The following WDR70 variants were observed in gnomAD, a reference collection of about 807,000 sequenced individuals.
WDR70 encodes the protein WD repeat domain 70.
A neutral mutation model predicts 88.6 loss-of-function variants in WDR70; 53 were observed. That is an observed-to-expected ratio of 0.60 (90% CI 0.48 to 0.75). The LOEUF (loss-of-function observed/expected upper bound fraction) is 0.75, where lower values mean the gene tolerates loss of function less well. Among genes scored for constraint, WDR70 ranks in the 30% least tolerant of loss-of-function variants. The pLI is 0.00. For synonymous variants in WDR70, 280 were observed against 270.0 expected, an observed-to-expected ratio of 1.04 and a Z score of -0.36; for missense variants, 610 against 823.2, an observed-to-expected ratio of 0.74 and a Z score of 3.17.
At chr5:37,622,102 A>G (rs1744523019) in intron 10 of WDR70, among the ~76,000 whole-genome samples, 1 of 152,040 alleles carries the variant, frequency 6.6e-6, no homozygotes, top group Non-Finnish European at 1.5e-5. Context: ...CTGTTTTGGT[A>G]CCAGTACCAT....
chr5:37,678,423 C>T (rs1337345320), intron 10 of WDR70, among the ~76,000 whole-genome samples: 1 of 151,942 alleles, frequency 6.6e-6, no homozygotes, highest in African/African-American at 2.4e-5. Flanking sequence ...TTAGGGCAGG[C>T]CTGGTGGTGA....
chr5:37,487,621 A>ATTTTTTTTTTTTTTTTT (rs1561871968), intron 8 of WDR70, among the ~76,000 whole-genome samples: 2 of 37,692 alleles, frequency 5.3e-5, no homozygotes, highest in African/African-American at 1.5e-4. Context: ...ATATATATAT[A>ATTTTTTTTTTTTTTTTT]TATGTATTTT....
intron 7 of WDR70, among the ~76,000 whole-genome samples, chr5:37,461,812 G>A (rs1469772757): frequency 2.0e-5 from 3 of 152,072 alleles, no homozygotes; most frequent in African/African-American, 7.2e-5. Flanking sequence ...AAAGATAGTA[G>A]GTTTTTGACT....
intron 11 of WDR70, chr5:37,698,003 A>T (rs75754613): frequency 2.9e-6 from 1 of 348,002 alleles, no homozygotes. Flanking sequence ...TTCAAATTCC[A>T]TAAGAGTTTG....
chr5:37,726,157 T>C (rs1207618635), intron 16 of WDR70, among the ~76,000 whole-genome samples: 1 of 152,220 alleles, frequency 6.6e-6, no homozygotes, highest in Non-Finnish European at 1.5e-5. Flanking sequence ...TGAAGTGCTA[T>C]CTTCCTCTAA....
intron 10 of WDR70, among the ~76,000 whole-genome samples, chr5:37,694,174 C>T (rs1204387120): frequency 2.6e-5 from 4 of 152,064 alleles, no homozygotes; most frequent in Non-Finnish European, 1.5e-5. Flanking sequence ...GTTAGAATGG[C>T]GATCATTAAA....
chr5:37,554,085 G>C (rs888887195), intron 9 of WDR70, among the ~76,000 whole-genome samples: 10 of 148,352 alleles, frequency 6.7e-5, no homozygotes, highest in African/African-American at 2.5e-4. Context: ...TGCAAACTTT[G>C]CCATTGATTT....
At chr5:37,645,248 A>C (rs529268330) in intron 10 of WDR70, among the ~76,000 whole-genome samples, 101 of 151,666 alleles carry the variant, frequency 6.7e-4, no homozygotes, top group African/African-American at 2.4e-3. Context: ...CTGATCATTC[A>C]GTAGCATGTT....
intron 5 of WDR70, among the ~76,000 whole-genome samples, chr5:37,415,933 C>T (rs1233876542): frequency 2.6e-5 from 4 of 151,706 alleles, no homozygotes; most frequent in Non-Finnish European, 5.9e-5. Flanking sequence ...CAGAGACGCT[C>T]CTCACTTCCT....
chr5:37,506,115 CA>C, intron 8 of WDR70: 1 of 1,154,060 alleles, frequency 8.7e-7, no homozygotes, highest in South Asian at 1.2e-5. Flanking sequence ...TGCAAGATTG[CA>C]GCGGCTTAAA....
At chr5:37,405,593 A>G (rs967131232) in intron 5 of WDR70, among the ~76,000 whole-genome samples, 10 of 152,154 alleles carry the variant, frequency 6.6e-5, no homozygotes, top group African/African-American at 2.4e-4. Flanking sequence ...TATTGGTGCT[A>G]TAAACAGTTA....
At chr5:37,435,339 T>C (rs932433455) in intron 5 of WDR70, among the ~76,000 whole-genome samples, 2 of 152,190 alleles carry the variant, frequency 1.3e-5, no homozygotes, top group Non-Finnish European at 2.9e-5. Flanking sequence ...ATTATCTTGG[T>C]TCTTGCAAGA....
chr5:37,682,071 G>A (rs886312029), intron 10 of WDR70, among the ~76,000 whole-genome samples: 2 of 152,062 alleles, frequency 1.3e-5, no homozygotes, highest in Non-Finnish European at 2.9e-5. Flanking sequence ...GGCTTGGTTT[G>A]TCTGGTAGGC....
chr5:37,651,932 C>T (rs1364255813), intron 10 of WDR70, among the ~76,000 whole-genome samples: 3 of 152,150 alleles, frequency 2.0e-5, no homozygotes, highest in Non-Finnish European at 4.4e-5. Flanking sequence ...GATGATGTTT[C>T]TTTTGCTGTG....
chr5:37,751,360 G>T (rs1412085811), intron 17 of WDR70, among the ~76,000 whole-genome samples: 2 of 152,194 alleles, frequency 1.3e-5, no homozygotes, highest in Non-Finnish European at 2.9e-5. Context: ...AACCAACTGG[G>T]TTGTGTATGG....
At chr5:37,709,162 T>G (rs550607346) in intron 13 of WDR70, among the ~76,000 whole-genome samples, 24 of 152,136 alleles carry the variant, frequency 1.6e-4, no homozygotes, top group Non-Finnish European at 2.6e-4. Flanking sequence ...TAAAATATAG[T>G]GAAACCTCCT....
intron 5 of WDR70, among the ~76,000 whole-genome samples, chr5:37,415,218 A>G (rs541703723): frequency 1.1e-4 from 17 of 151,952 alleles, no homozygotes; most frequent in South Asian, 2.1e-4. Flanking sequence ...CGATTTCTCA[A>G]TCTTTTCCCC....
chr5:37,676,509 T>C (rs1325342897), intron 10 of WDR70, among the ~76,000 whole-genome samples: 4 of 152,100 alleles, frequency 2.6e-5, no homozygotes, highest in Non-Finnish European at 5.9e-5. Context: ...TTTTTGTCTT[T>C]GGTTCTGTTT....
intron 10 of WDR70, among the ~76,000 whole-genome samples, chr5:37,633,412 G>C (rs1035303982): frequency 1.3e-5 from 2 of 151,618 alleles, no homozygotes; most frequent in Non-Finnish European, 2.9e-5. Flanking sequence ...AGTGAGTCAA[G>C]ATTATAGAAA....
Sources: gnomAD v4.1 joint callset for allele counts (sites outside exome capture counted in the v4.1 genomes callset) on GRCh38, gnomAD v4.1.1 for gene constraint, MANE v1.5 for transcripts, NCBI Gene and HGNC (gene_info 2026-07-23, HGNC 2026-07-21) for gene names.